The following FOXP2 variants were observed in gnomAD, a reference collection of about 807,000 sequenced individuals.
The protein encoded by FOXP2 is forkhead box P2.
Under a neutral mutation model 115.8 loss-of-function variants are expected in FOXP2, and 12 were observed. The observed-to-expected ratio is 0.10, with a 90% CI of 0.07 to 0.17. The LOEUF is 0.17. FOXP2 is among the 10% of genes least tolerant of loss of function. FOXP2 has a pLI of 1.00. For synonymous variants in FOXP2, 328 were observed against 297.7 expected (o/e 1.10, Z -1.05); for missense variants, 629 against 843.5 (o/e 0.75, Z 3.15).
At position 114,489,417 on chromosome 7, in the gene FOXP2, G is replaced by C. The variant is rs554618308; in HGVS notation, c.169-45200G>C. Among the ~76,000 whole-genome samples, 3 of 152,186 alleles carry C rather than the reference G, an allele frequency of 2.0e-5. No homozygotes were observed. In the East Asian group the frequency reaches 5.8e-4, roughly 29 times the overall value. On this transcript the variant is annotated intron_variant, in intron 2 of 16. Coordinates refer to ENST00000350908, the MANE Select transcript of FOXP2 (RefSeq NM_014491.4). ...TCTAACTACATGAATATTTGAGTTA[G>C]CCAGAGGTAGTCTGAAATTGGTTCT...
At chr7:114,209,817 G>A (rs1794297329) in intron 1 of FOXP2, among the ~76,000 whole-genome samples, 1 of 152,142 alleles carries the variant, frequency 6.6e-6, no homozygotes, top group African/African-American at 2.4e-5. Flanking sequence ...ATAGTTCTCA[G>A]AGGTTTTGTT....
chr7:114,216,708 G>A (rs1794493463), intron 1 of FOXP2, among the ~76,000 whole-genome samples: 1 of 151,902 alleles, frequency 6.6e-6, no homozygotes, highest in Non-Finnish European at 1.5e-5. Context: ...GTGGATTTCT[G>A]GTGTCTGAAT....
chr7:114,208,209 C>G (rs1180160163), intron 1 of FOXP2, among the ~76,000 whole-genome samples: 2 of 152,148 alleles, frequency 1.3e-5, no homozygotes, highest in Admixed American at 1.3e-4. Flanking sequence ...GAACCCACCG[C>G]TTTCATCAGT....
chr7:114,398,368 A>G (rs1419778960), intron 2 of FOXP2, among the ~76,000 whole-genome samples: 1 of 152,170 alleles, frequency 6.6e-6, no homozygotes, highest in Non-Finnish European at 1.5e-5. Flanking sequence ...ACATGGGATC[A>G]GATTATATAA....
chr7:114,629,772 C>T, intron 4 of FOXP2, 33 bp from the exon 5 acceptor site: 1 of 1,613,878 alleles, frequency 6.2e-7, no homozygotes, highest in Non-Finnish European at 8.5e-7. Context: ...AAACTTTTGC[C>T]TTTATTTATT....
intron 2 of FOXP2, among the ~76,000 whole-genome samples, chr7:114,496,139 T>C (rs1797310603): frequency 6.6e-6 from 1 of 152,164 alleles, no homozygotes. Flanking sequence ...AAAAAAAATC[T>C]ATAATAATCC....
Position 114,693,729 on chromosome 7 carries a change from G to A in FOXP2, c.*3803G>A. On this transcript the variant is annotated 3_prime_UTR_variant, in exon 17 of 17. Coordinates refer to ENST00000350908, the MANE Select transcript of FOXP2 (RefSeq NM_014491.4). ...ATTTCATTCACTTGATTACATTTCT[G>A]AAGTATAAATAAAAAAATCTAATTC... 1 of 313,850 alleles carries A rather than the reference G, an allele frequency of 3.2e-6. No homozygotes were observed. Among genetic ancestry groups the A allele is most frequent in the South Asian group, 2.8e-5 (1 of 35,976 alleles). 19.4% of individuals were successfully genotyped at this position (313,850 alleles called of 1,614,324 possible).
chr7:114,392,758 G>T (rs1277442090), intron 2 of FOXP2, among the ~76,000 whole-genome samples: 2 of 152,156 alleles, frequency 1.3e-5, no homozygotes, highest in Non-Finnish European at 2.9e-5. Flanking sequence ...GACTGAATTT[G>T]TATCCTAGTA....
intron 16 of FOXP2, among the ~76,000 whole-genome samples, chr7:114,685,824 T>C (rs1808331233): frequency 6.6e-6 from 1 of 152,204 alleles, no homozygotes; most frequent in African/African-American, 2.4e-5. Flanking sequence ...GAATCTCATT[T>C]ACAACTATTC....
At chr7:114,368,290 G>GT (rs1373257880) in intron 2 of FOXP2, among the ~76,000 whole-genome samples, 1 of 151,942 alleles carries the variant, frequency 6.6e-6, no homozygotes, top group Non-Finnish European at 1.5e-5. Context: ...ACACTAACTG[G>GT]TATCACTATT....
intron 2 of FOXP2, chr7:114,499,483 G>A (rs1797468512): frequency 6.6e-6 from 1 of 152,088 alleles, no homozygotes; most frequent in African/African-American, 2.4e-5. Flanking sequence ...ATCCCATTGG[G>A]GTAAAAATAT....
chr7:114,433,309 T>C (rs1460918918), intron 2 of FOXP2, among the ~76,000 whole-genome samples: 1 of 152,018 alleles, frequency 6.6e-6, no homozygotes, highest in East Asian at 1.9e-4. Context: ...AATTAAAATG[T>C]GTCTTTTAAT....
At chr7:114,298,938 G>A (rs972394318) in intron 2 of FOXP2, among the ~76,000 whole-genome samples, 1 of 152,070 alleles carries the variant, frequency 6.6e-6, no homozygotes, top group Non-Finnish European at 1.5e-5. Context: ...ATATTAGTAA[G>A]AACTCATGAA....
intron 1 of FOXP2, among the ~76,000 whole-genome samples, chr7:114,210,987 A>G (rs1293312115): frequency 6.6e-6 from 1 of 152,080 alleles, no homozygotes; most frequent in Non-Finnish European, 1.5e-5. Flanking sequence ...GAATTTTCCA[A>G]AGCCAGCAGG....
intron 2 of FOXP2, among the ~76,000 whole-genome samples, chr7:114,307,845 T>C (rs975617428): frequency 6.6e-6 from 1 of 152,176 alleles, no homozygotes; most frequent in African/African-American, 2.4e-5. Flanking sequence ...TTAGGTCTCA[T>C]GATGTTCACA....
chr7:114,297,746 G>A (rs1031977620), intron 2 of FOXP2, among the ~76,000 whole-genome samples: 1 of 152,070 alleles, frequency 6.6e-6, no homozygotes, highest in East Asian at 1.9e-4. Flanking sequence ...TTCAGGGTTC[G>A]GGTTGTCTCC....
chr7:114,368,082 G>T (rs549965934), intron 2 of FOXP2, among the ~76,000 whole-genome samples: 3 of 152,202 alleles, frequency 2.0e-5, no homozygotes, highest in African/African-American at 7.2e-5. Flanking sequence ...AAAGCTGAAA[G>T]GCATGCTAAT....
intron 16 of FOXP2, among the ~76,000 whole-genome samples, chr7:114,682,901 C>G (rs555221081): frequency 1.3e-5 from 2 of 152,174 alleles, no homozygotes; most frequent in South Asian, 4.1e-4. Context: ...GGCATAGGTA[C>G]TGTAACTTTC....
intron 1 of FOXP2, among the ~76,000 whole-genome samples, chr7:114,139,203 A>G (rs1022834787): frequency 7.2e-5 from 11 of 152,124 alleles, no homozygotes; most frequent in African/African-American, 1.4e-4. Context: ...AGGTATTACT[A>G]TTTTCATGTT....
Sources: allele counts gnomAD v4.1 joint callset (sites outside exome capture counted in the v4.1 genomes callset), GRCh38; gene constraint gnomAD v4.1.1; transcripts MANE v1.5; gene names NCBI Gene and HGNC (gene_info 2026-07-23, HGNC 2026-07-21).